The following COL8A1 variants were observed in gnomAD, a reference collection of about 807,000 sequenced individuals.
COL8A1 encodes the protein collagen type VIII alpha 1 chain.
A neutral mutation model predicts 42.7 loss-of-function variants in COL8A1; 21 were observed. That is an observed-to-expected ratio of 0.49 (90% CI 0.35 to 0.71). The LOEUF (loss-of-function observed/expected upper bound fraction) is 0.71, where lower values mean the gene tolerates loss of function less well. Among genes scored for constraint, COL8A1 ranks in the 30% least tolerant of loss-of-function variants. The probability of loss-of-function intolerance (pLI) is 0.01; values close to 1 mark genes in which losing one functional copy is unlikely to be tolerated. For missense variants in COL8A1, 788 were observed against 962.4 expected (o/e 0.82, Z 2.40); for synonymous variants, 367 against 369.1 (o/e 0.99, Z 0.06).
intron 1 of COL8A1, among the ~76,000 whole-genome samples, chr3:99,737,054 C>A (rs1048983865): frequency 2.0e-5 from 3 of 152,054 alleles, no homozygotes; most frequent in Non-Finnish European, 4.4e-5. Flanking sequence ...AGGATTGCAA[C>A]CCTTGTCTTT....
intron 1 of COL8A1, among the ~76,000 whole-genome samples, chr3:99,690,829 G>A (rs1041438039): frequency 2.6e-5 from 4 of 152,190 alleles, no homozygotes; most frequent in Non-Finnish European, 5.9e-5. Context: ...TTCCCTGGAG[G>A]ACTCTGACTT....
At chr3:99,779,571 G>C (rs1174891444) in intron 2 of COL8A1, among the ~76,000 whole-genome samples, 1 of 152,158 alleles carries the variant, frequency 6.6e-6, no homozygotes, top group Admixed American at 6.6e-5. Flanking sequence ...CAGTTTTCTG[G>C]GGGAAAGGGA....
chr3:99,653,552 A>T (rs148210346), intron 1 of COL8A1, among the ~76,000 whole-genome samples: 2 of 151,892 alleles, frequency 1.3e-5, no homozygotes, highest in Non-Finnish European at 2.9e-5. Context: ...GTCAATGCAC[A>T]GTATATATAG....
At chr3:99,766,380 AT>A (rs1941463491) in intron 2 of COL8A1, among the ~76,000 whole-genome samples, 1 of 152,212 alleles carries the variant, frequency 6.6e-6, no homozygotes, top group South Asian at 2.1e-4. Context: ...TCACTGAGGC[AT>A]ACTTGGGAAA....
intron 1 of COL8A1, among the ~76,000 whole-genome samples, chr3:99,646,020 C>G (rs1279893235): frequency 6.6e-6 from 1 of 152,232 alleles, no homozygotes; most frequent in East Asian, 1.9e-4. Context: ...GCCAAATAGG[C>G]TTCTCCACCC....
chr3:99,721,449 AAGG>A (rs1363487295), intron 1 of COL8A1, among the ~76,000 whole-genome samples: 1 of 140,582 alleles, frequency 7.1e-6, no homozygotes, highest in African/African-American at 2.6e-5. Flanking sequence ...GGGGAAGGGG[AAGG>A]GAAGGACAGG....
chr3:99,795,979 A>G lies in COL8A1; in HGVS notation c.2078A>G (p.Lys693Arg), dbSNP rs764675709. Residue 693 changes from lysine to arginine, a missense_variant, in exon 4 of 4, where the codon AAA (lysine) becomes AGA (arginine). Coordinates refer to ENST00000652472, the MANE Select transcript of COL8A1 (RefSeq NM_020351.4). ...GTGATGTACACGTACGACGAGTACA[A>G]AAAGGGCTTCCTGGACCAGGCATCT... is the stretch of plus-strand genomic sequence containing the variant. ...EPVMYTYDEY[K>R]KGFLDQASGS... 3 of 1,613,948 alleles carry G rather than the reference A, an allele frequency of 1.9e-6. No homozygotes were observed.
intron 1 of COL8A1, among the ~76,000 whole-genome samples, chr3:99,657,827 C>T (rs1938070608): frequency 6.6e-6 from 1 of 152,122 alleles, no homozygotes; most frequent in African/African-American, 2.4e-5. Context: ...GTGACTCACC[C>T]CTGTTTAAAA....
At chr3:99,705,858 T>C (rs949755602) in intron 1 of COL8A1, among the ~76,000 whole-genome samples, 5 of 152,186 alleles carry the variant, frequency 3.3e-5, no homozygotes, top group African/African-American at 1.2e-4. Flanking sequence ...TTCATCCAAG[T>C]TTAACATTTT....
At chr3:99,683,216 A>T (rs1196319474) in intron 1 of COL8A1, among the ~76,000 whole-genome samples, 1 of 152,162 alleles carries the variant, frequency 6.6e-6, no homozygotes, top group African/African-American at 2.4e-5. Context: ...CTCCCCCATA[A>T]GACTCTATAT....
intron 1 of COL8A1, among the ~76,000 whole-genome samples, chr3:99,729,248 C>T (rs552764412): frequency 9.6e-4 from 146 of 152,134 alleles, no homozygotes; most frequent in Admixed American, 1.6e-3. Flanking sequence ...GCTCTCTAAG[C>T]TGATGTTGCT....
chr3:99,660,884 G>T lies in COL8A1; in HGVS notation c.-129+22220G>T, dbSNP rs549119852. Among the ~76,000 whole-genome samples the T allele has an allele frequency of 6.5e-4, 99 of 152,214 alleles. 1 individual carries two copies. Among genetic ancestry groups the T allele is most frequent in the African/African-American group, 1.9e-3 (78 of 41,532 alleles). On this transcript the variant is annotated intron_variant, in intron 1 of 3. Transcript: ENST00000652472. The stretch of plus-strand genomic sequence containing the variant: ...ATAATGTCACAGGCTTTTACTGTTT[G>T]AAAAACAGAGTGGCATGTATAAAAA...
At chr3:99,732,037 A>G (rs1242776179) in intron 1 of COL8A1, among the ~76,000 whole-genome samples, 5 of 152,062 alleles carry the variant, frequency 3.3e-5, no homozygotes, top group Non-Finnish European at 7.4e-5. Flanking sequence ...CTTTTCTAGA[A>G]CCCTCAGAGG....
chr3:99,715,070 T>C (rs1481053576), intron 1 of COL8A1, among the ~76,000 whole-genome samples: 1 of 152,066 alleles, frequency 6.6e-6, no homozygotes, highest in Non-Finnish European at 1.5e-5. Flanking sequence ...ATGATGGAGT[T>C]GGAGATTCAC....
chr3:99,739,177 C>G (rs375734321), intron 1 of COL8A1, among the ~76,000 whole-genome samples: 1 of 152,214 alleles, frequency 6.6e-6, no homozygotes, highest in Non-Finnish European at 1.5e-5. Flanking sequence ...GCAGAAATCA[C>G]CCGTCTTCTG....
At chr3:99,714,443 C>T (rs1319950693) in intron 1 of COL8A1, among the ~76,000 whole-genome samples, 1 of 152,032 alleles carries the variant, frequency 6.6e-6, no homozygotes, top group Non-Finnish European at 1.5e-5. Flanking sequence ...TCATGGAGCT[C>T]TTGATTTAGG....
intron 1 of COL8A1, among the ~76,000 whole-genome samples, chr3:99,688,420 T>C (rs2107331464): frequency 6.6e-6 from 1 of 152,284 alleles, no homozygotes; most frequent in South Asian, 2.1e-4. Flanking sequence ...TCAGAGCGCA[T>C]CGTTCCAACC....
At chr3:99,793,159 G>A (rs1439715881) in intron 3 of COL8A1, among the ~76,000 whole-genome samples, 2 of 152,158 alleles carry the variant, frequency 1.3e-5, no homozygotes, top group African/African-American at 4.8e-5. Flanking sequence ...ATGATGAAAG[G>A]TTTAAAGCCT....
At chr3:99,729,585 C>T (rs1283329715) in intron 1 of COL8A1, among the ~76,000 whole-genome samples, 4 of 151,900 alleles carry the variant, frequency 2.6e-5, no homozygotes, top group African/African-American at 9.7e-5. Context: ...GAATTTTTTC[C>T]TCTCTTCTAA....
Sources: gnomAD v4.1 joint callset for allele counts (sites outside exome capture counted in the v4.1 genomes callset) on GRCh38, gnomAD v4.1.1 for gene constraint, MANE v1.5 for transcripts, NCBI Gene and HGNC (gene_info 2026-07-23, HGNC 2026-07-21) for gene names.